Variants in MRGPRG observed in about 807,000 individuals in gnomAD.
MRGPRG encodes the protein mas-related G protein-coupled receptor member G.
For missense variants in MRGPRG, 395 were observed against 394.7 expected (o/e 1.00, Z -0.01); for synonymous variants, 216 against 206.7 (o/e 1.05, Z -0.39).
rs774443415 is a variant in MRGPRG, at chr11:3,218,148, G to A, written c.666C>T (p.Pro222=). The A allele has an allele frequency of 3.9e-6, 6 of 1,544,656 alleles. 1 individual carries two copies. The highest frequency in any genetic ancestry group is 5.2e-6 in the Non-Finnish European group (6 of 1,143,330). ...LPSVFYWSLQ[P]LLNFLLPVFS... is the part of the protein sequence containing the mutation. ...ACACGGGCAGCAGGAAGTTCAGCAG[G>A]GGCTGCAGGCTCCAGTAGAAGACCG... The change falls in exon 1 of 1, where the codon CCC becomes CCT. Residue 222 remains proline, a synonymous_variant. Coordinates refer to ENST00000332314, the MANE Select transcript of MRGPRG (RefSeq NM_001164377.1).
In MRGPRG at chr11:3,218,276, C is replaced by G. The variant is rs959927931; in HGVS notation, c.538G>C (p.Val180Leu). The G allele has an allele frequency of 8.2e-6, 12 of 1,468,228 alleles. No homozygotes were observed. The African/African-American group carries it at 1.3e-4, about 16-fold the overall frequency. 91.0% of individuals were successfully genotyped at this position (1,468,228 alleles called of 1,614,324 possible). A position where few individuals can be genotyped will look rare whatever the true frequency, so the allele number is the denominator to read the frequency against. The change falls in exon 1 of 1, where the codon GTC (valine) becomes CTC (leucine). Residue 180 changes from valine (V) to leucine (L), a missense_variant. Transcript: ENST00000332314. ...CAGCAGGTCACCCAGACAAAGAGGA[C>G]CACGCCAGCCGTCCAGGCGACGCGG... is the stretch of plus-strand genomic sequence containing the variant. ...LARVAWTAGV[V>L]LFVWVTCCST...
Position 3,218,329 on chromosome 11 carries a change from G to A in MRGPRG, c.485C>T (p.Ala162Val), listed in dbSNP as rs75003193. The change falls in exon 1 of 1, where the codon GCC becomes GTC. Residue 162 changes from alanine (A) to valine (V), a missense_variant. Physicochemically the swap from Ala to Val is moderately conservative, Grantham distance 64. Coordinates refer to ENST00000332314, the MANE Select transcript of MRGPRG (RefSeq NM_001164377.1). ...CPLVCPRYHVASVTWFLVLAR... is the reference protein window; with the variant it reads ...CPLVCPRYHVVSVTWFLVLAR... ...CAGCACCAGGAACCAGGTGACGCTG[G>A]CCACGTGGTAGCGCGGGCAGACCAG... The A allele has an allele frequency of 0.012, 17,849 of 1,454,288 alleles. 921 individuals carry two copies. The highest frequency in any genetic ancestry group is 0.015 in the Admixed American group (560 of 37,166). 90.1% of individuals were successfully genotyped at this position (1,454,288 alleles called of 1,614,324 possible).
Position 3,218,453 on chromosome 11 carries a change from C to A in MRGPRG, c.361G>T (p.Ala121Ser), listed in dbSNP as rs1051231218. 1.4e-5 allele frequency: 21 copies of A among 1,541,308 alleles called. 2 individuals carry two copies. The highest frequency in any genetic ancestry group is 1.8e-5 in the Non-Finnish European group (21 of 1,143,410). The change falls in exon 1 of 1, where the codon GCC becomes TCC. Residue 121 changes from alanine (A) to serine (S), a missense_variant. By Grantham distance (99) the Ala-to-Ser change is moderately conservative. Transcript: ENST00000332314. ...ACCAGGGCGCAGAGGACGGCCGAGG[C>A]GTGTCTGGGCCGGCAGCCCTGGTAG... is the stretch of plus-strand genomic sequence containing the variant. ...ACYQGCRPRH[A>S]SAVLCALVWT...
chr11:3,218,614 A>G lies in MRGPRG; in HGVS notation c.200T>C (p.Phe67Ser). The change falls in exon 1 of 1, where the codon TTC becomes TCC. Residue 67 changes from phenylalanine (F) to serine (S), a missense_variant. Coordinates refer to ENST00000332314, the MANE Select transcript of MRGPRG (RefSeq NM_001164377.1). Reference sequence around the variant, plus strand: ...GCCCAGGGCAGCCTGAGCCACGGAGAAGCCCACACGGCAGGAGAGGAACAG... The same window carrying G: ...GCCCAGGGCAGCCTGAGCCACGGAGGAGCCCACACGGCAGGAGAGGAACAG... ...DFLFLSCRVG[F>S]SVAQAALGAQ... is the part of the protein sequence containing the mutation. 1 of 1,545,866 alleles carries G rather than the reference A, an allele frequency of 6.5e-7. No individual in the cohort carries two copies. The highest frequency in any genetic ancestry group is 1.7e-4 in the Middle Eastern group (1 of 5,944).
chr11:3,218,085 G>A lies in MRGPRG; in HGVS notation c.729C>T (p.Ser243=). The A allele has an allele frequency of 6.5e-7, 1 of 1,545,042 alleles. No homozygotes were observed. The highest frequency in any genetic ancestry group is 8.7e-7 in the Non-Finnish European group (1 of 1,143,600). ...CCGAGTAGATGAGGGGCTTGGAGCTGCTGTTGACGCAGGCCAGCAGCGTGG... is the reference window on the plus strand; with the variant it reads ...CCGAGTAGATGAGGGGCTTGGAGCTACTGTTGACGCAGGCCAGCAGCGTGG... The part of the protein sequence containing the change: ...PLATLLACVN[S]SSKPLIYSGL... Residue 243 remains serine, a synonymous_variant, in exon 1 of 1, where the codon AGC becomes AGT. Transcript: ENST00000332314.
rs1664685268 is a variant in MRGPRG, at chr11:3,218,204, G to A, written c.610C>T (p.Leu204=). The part of the protein sequence containing the change: ...PRLYGIVLGA[L]LLLFFCGLPS... ...AGGCCACAGAAGAAGAGCAGGAGCA[G>A]CGCGCCCAGGACGATGCCGTAGAGC... Residue 204 remains leucine (L), a synonymous_variant, in exon 1 of 1, where the codon CTG becomes TTG. Transcript: ENST00000332314. 6.5e-7 allele frequency: 1 copy of A among 1,536,894 alleles called. No homozygotes were observed. The highest frequency in any genetic ancestry group is 2.5e-5 in the East Asian group (1 of 40,710).
chr11:3,218,086 C>A lies in MRGPRG; in HGVS notation c.728G>T (p.Ser243Ile). 1 of 1,545,092 alleles carries A rather than the reference C, an allele frequency of 6.5e-7. No individual in the cohort carries two copies. The highest frequency in any genetic ancestry group is 1.4e-5 in the African/African-American group (1 of 72,936). The change falls in exon 1 of 1, where the codon AGC (serine) becomes ATC (isoleucine). Residue 243 changes from serine to isoleucine, a missense_variant. By Grantham distance (142) the Ser-to-Ile change is moderately radical (BLOSUM62 -2). Coordinates refer to ENST00000332314, the MANE Select transcript of MRGPRG (RefSeq NM_001164377.1). ...PLATLLACVN[S>I]SSKPLIYSGL... is the part of the protein sequence containing the mutation. ...CGAGTAGATGAGGGGCTTGGAGCTG[C>A]TGTTGACGCAGGCCAGCAGCGTGGC...
the MRGPRG span, chr11:3,218,748 CA>C: frequency 6.5e-7 from 1 of 1,545,976 alleles, no homozygotes; most frequent in Non-Finnish European, 8.7e-7. Flanking sequence ...CCCCGAGGCC[CA>C]CGATCAGCGT....
At position 3,218,238 on chromosome 11, in the gene MRGPRG, C is replaced by A. The variant is rs1246025235; in HGVS notation, c.576G>T (p.Pro192=). 25 of 1,503,372 alleles carry A rather than the reference C, an allele frequency of 1.7e-5. No individual in the cohort carries two copies. Among genetic ancestry groups the A allele is most frequent in the Non-Finnish European group, 2.2e-5 (25 of 1,120,654 alleles). The allele number at this position is 1,503,372 out of a possible 1,614,324, so 93.1% of individuals were successfully genotyped here. ...FVWVTCCSTR[P]RPRLYGIVLG... The stretch of plus-strand genomic sequence containing the variant: ...GGACGATGCCGTAGAGCCTGGGCCG[C>A]GGGCGAGTGGAGCAGCAGGTCACCC... The change falls in exon 1 of 1, where the codon CCG becomes CCT. Residue 192 remains proline (P), a synonymous_variant. Coordinates refer to ENST00000332314, the MANE Select transcript of MRGPRG (RefSeq NM_001164377.1).
chr11:3,217,944 T>C lies in MRGPRG; in HGVS notation c.870A>G (p.Ter290=). 6.8e-7 allele frequency: 1 copy of C among 1,478,814 alleles called. No individual in the cohort carries two copies. Among genetic ancestry groups the C allele is most frequent in the Non-Finnish European group, 9.0e-7 (1 of 1,107,040 alleles). 91.6% of individuals were successfully genotyped at this position (1,478,814 alleles called of 1,614,324 possible). ...RGQSLPMGLL[*] is the part of the protein sequence containing the mutation. ...GGCCCTGTGGGCGGGGCAAGCCCAC[T>C]TATAGGAGACCCATGGGCAGGGACT... is the stretch of plus-strand genomic sequence containing the variant. The change falls in exon 1 of 1, where the codon TAA becomes TAG. Residue 290 remains the stop codon, a stop_retained_variant. Coordinates refer to ENST00000332314, the MANE Select transcript of MRGPRG (RefSeq NM_001164377.1). This position sits in a 1 kb window ranked among gnomAD's most constrained non-coding sequence, Gnocchi z 6.5.
At position 3,218,781 on chromosome 11, in the gene MRGPRG, G is replaced by A. The variant is rs764999302; in HGVS notation, c.33C>T (p.Phe11=). The change falls in exon 1 of 1, where the codon TTC becomes TTT. Residue 11 remains phenylalanine (F), a synonymous_variant. Coordinates refer to ENST00000332314, the MANE Select transcript of MRGPRG (RefSeq NM_001164377.1). The stretch of plus-strand genomic sequence containing the variant: ...GCGTCAGGTAGAAGACCACACTGTC[G>A]AAGGTTCTCCAGAGGCCGAACAGCC... MFGLFGLWRT[F]DSVVFYLTLI... is the part of the protein sequence containing the mutation. 2 of 1,544,872 alleles carry A rather than the reference G, an allele frequency of 1.3e-6. No individual in the cohort carries two copies. The highest frequency in any genetic ancestry group is 2.4e-5 in the South Asian group (2 of 83,432).
At chr11:3,218,736 T>TC in the MRGPRG span, 1 of 1,545,652 alleles carries the variant, frequency 6.5e-7, no homozygotes, top group Non-Finnish European at 8.7e-7. Flanking sequence ...TACCTACCGG[T>TC]CCCCCGAGGC....
In MRGPRG at chr11:3,218,208, G is replaced by T. The variant is rs953594559; in HGVS notation, c.606C>A (p.Gly202=). The T allele has an allele frequency of 4.6e-6, 7 of 1,533,114 alleles. No homozygotes were observed. The African/African-American group carries it at 9.7e-5, about 21-fold the overall frequency. 95.0% of individuals were successfully genotyped at this position (1,533,114 alleles called of 1,614,324 possible). A position where few individuals can be genotyped will look rare whatever the true frequency, so the allele number is the denominator to read the frequency against. Residue 202 remains glycine, a synonymous_variant, in exon 1 of 1, where the codon GGC becomes GGA. Transcript: ENST00000332314. The part of the protein sequence containing the change: ...PRPRLYGIVL[G]ALLLLFFCGL... ...CACAGAAGAAGAGCAGGAGCAGCGC[G>T]CCCAGGACGATGCCGTAGAGCCTGG...
chr11:3,217,996 T>A lies in MRGPRG; in HGVS notation c.818A>T (p.Glu273Val). Reference sequence around the variant, plus strand: ...TCCCCTGGCACCCAGCTCGGCGCCCTCCCCCAGGGCCCTCCGCAGTACCGA... The same window carrying A: ...TCCCCTGGCACCCAGCTCGGCGCCCACCCCCAGGGCCCTCCGCAGTACCGA... ...LRSVLRRALGEGAELGARGQS... is the reference protein window; with the variant it reads ...LRSVLRRALGVGAELGARGQS... Residue 273 changes from glutamate (E) to valine (V), a missense_variant, in exon 1 of 1, where the codon GAG becomes GTG. By Grantham distance (121) the Glu-to-Val change is moderately radical (BLOSUM62 -2). Transcript: ENST00000332314. This position sits in a 1 kb window ranked among gnomAD's most constrained non-coding sequence, Gnocchi z 6.5. 1.3e-6 allele frequency: 2 copies of A among 1,521,532 alleles called. 1 individual carries two copies. The highest frequency in any genetic ancestry group is 2.5e-5 in the South Asian group (2 of 81,494). 94.3% of individuals were successfully genotyped at this position (1,521,532 alleles called of 1,614,324 possible).
Position 3,218,392 on chromosome 11 carries a change from G to A in MRGPRG, c.422C>T (p.Ala141Val). 1.3e-6 allele frequency: 2 copies of A among 1,500,254 alleles called. No homozygotes were observed. The highest frequency in any genetic ancestry group is 2.6e-5 in the South Asian group (2 of 76,350). 92.9% of individuals were successfully genotyped at this position (1,500,254 alleles called of 1,614,324 possible). A position where few individuals can be genotyped will look rare whatever the true frequency, so the allele number is the denominator to read the frequency against. ...GTTGCGCAGCAGGCCGCAGGCGTTG[G>A]CGGGCAGCGGCACGGCCGGCAGGGT... ...TPTLPAVPLP[A>V]NACGLLRNSA... The change falls in exon 1 of 1, where the codon GCC becomes GTC. Residue 141 changes from alanine to valine, a missense_variant. By Grantham distance (64) the Ala-to-Val change is moderately conservative (BLOSUM62 0). Transcript: ENST00000332314.
In MRGPRG at chr11:3,218,185, CAGA is replaced by C. The variant is rs997703447; in HGVS notation, c.626_628del (p.Phe209del). ...CCAGTAGAAGACCGAGGGCAGGCCA[CAGA>C]AGAAGAGCAGGAGCAGCGCGCCCAG... On this transcript the variant is annotated inframe_deletion, in exon 1 of 1. Coordinates refer to ENST00000332314, the MANE Select transcript of MRGPRG (RefSeq NM_001164377.1). 1.3e-6 allele frequency: 2 copies of C among 1,541,738 alleles called. No homozygotes were observed. The highest frequency in any genetic ancestry group is 2.0e-5 in the Admixed American group (1 of 50,570).
rs879138121 is a variant in MRGPRG, at chr11:3,218,609, C to T, written c.205G>A (p.Val69Met). The T allele has an allele frequency of 1.9e-6, 3 of 1,545,888 alleles. No homozygotes were observed. In the South Asian group the frequency reaches 3.6e-5, roughly 19 times the overall value. ...LFLSCRVGFSVAQAALGAQDT... is the reference protein window; with the variant it reads ...LFLSCRVGFSMAQAALGAQDT... Reference sequence around the variant, plus strand: ...TGGGCGCCCAGGGCAGCCTGAGCCACGGAGAAGCCCACACGGCAGGAGAGG... The same window carrying T: ...TGGGCGCCCAGGGCAGCCTGAGCCATGGAGAAGCCCACACGGCAGGAGAGG... Residue 69 changes from valine to methionine, a missense_variant, in exon 1 of 1, where the codon GTG (valine) becomes ATG (methionine). Val to Met is a conservative substitution (Grantham distance 21). Transcript: ENST00000332314.
At position 3,218,734 on chromosome 11, in the gene MRGPRG, G is replaced by C. The variant is rs1471008014; in HGVS notation, c.80C>G (p.Pro27Arg). 1 of 1,545,844 alleles carries C rather than the reference G, an allele frequency of 6.5e-7. No individual in the cohort carries two copies. Among genetic ancestry groups the C allele is most frequent in the Admixed American group, 2.0e-5 (1 of 50,828 alleles). The change falls in exon 1 of 1, where the codon CCG (proline) becomes CGG (arginine). Residue 27 changes from proline (P) to arginine (R), a missense_variant. Physicochemically the swap from Pro to Arg is moderately radical, Grantham distance 103 (BLOSUM62 -2). Transcript: ENST00000332314. Reference sequence around the variant, plus strand: ...CCAGAGCACCAGCCCGTTACCTACCGGTCCCCCGAGGCCCACGATCAGCGT... The same window carrying C: ...CCAGAGCACCAGCCCGTTACCTACCCGTCCCCCGAGGCCCACGATCAGCGT... ...YLTLIVGLGGPVGNGLVLWNL... is the reference protein window; with the variant it reads ...YLTLIVGLGGRVGNGLVLWNL...
the MRGPRG span, chr11:3,218,155 A>AG: frequency 2.6e-6 from 4 of 1,544,318 alleles, no homozygotes; most frequent in Non-Finnish European, 3.5e-6. Flanking sequence ...CAGGGGCTGC[A>AG]GGCTCCAGTA....
Sources: allele counts gnomAD v4.1 joint callset, GRCh38; gene constraint gnomAD v4.1.1; non-coding constraint Gnocchi (gnomAD v3.1); transcripts MANE v1.5; gene names NCBI Gene and HGNC (gene_info 2026-07-23, HGNC 2026-07-21).